SUPT3H: variants seen among roughly 807,000 people sequenced by gnomAD.
The protein encoded by SUPT3H is SPT3 homolog, SAGA and STAGA complex component, also known as transcription initiation protein SPT3 homolog.
Under a neutral mutation model 44.3 loss-of-function variants are expected in SUPT3H, and 44 were observed. The observed-to-expected ratio is 0.99, with a 90% CI of 0.78 to 1.28. The LOEUF (loss-of-function observed/expected upper bound fraction) is 1.28, where lower values mean the gene tolerates loss of function less well. Among genes scored for constraint, SUPT3H ranks in the 50% most tolerant of loss-of-function variants. SUPT3H has a pLI of 0.00. For synonymous variants in SUPT3H, 124 were observed against 125.6 expected (o/e 0.99, Z 0.09); for missense variants, 380 against 387.1 (o/e 0.98, Z 0.15).
At chr6:44,959,170 G>A (rs550582434) in intron 7 of SUPT3H, among the ~76,000 whole-genome samples, 7 of 152,064 alleles carry the variant, frequency 4.6e-5, no homozygotes, top group Non-Finnish European at 8.8e-5. Flanking sequence ...GATTACAGGC[G>A]TGAGCCACCG....
At chr6:45,321,694 G>C (rs930020837) in intron 2 of SUPT3H, 4 of 840,272 alleles carry the variant, frequency 4.8e-6, no homozygotes, top group South Asian at 3.2e-5. Context: ...GTAAGCACCA[G>C]ATCTTTCTCT....
At chr6:45,320,356 TG>T (rs369161527) in intron 2 of SUPT3H, among the ~76,000 whole-genome samples, 2 of 151,928 alleles carry the variant, frequency 1.3e-5, no homozygotes, top group African/African-American at 4.8e-5. Flanking sequence ...CTGCACCTCC[TG>T]GGGTCAGGTG....
chr6:44,965,253 A>G (rs1404573962), intron 6 of SUPT3H, among the ~76,000 whole-genome samples: 2 of 151,952 alleles, frequency 1.3e-5, no homozygotes, highest in Admixed American at 1.3e-4. Flanking sequence ...GATTCCATTC[A>G]CTCTCTGGAT....
At chr6:45,289,995 C>T (rs1780054078) in intron 2 of SUPT3H, among the ~76,000 whole-genome samples, 2 of 152,018 alleles carry the variant, frequency 1.3e-5, no homozygotes. Flanking sequence ...CCAGCATGGG[C>T]AACAGAGATG....
chr6:45,185,484 GA>G (rs1562642312), intron 2 of SUPT3H, among the ~76,000 whole-genome samples: 2 of 152,218 alleles, frequency 1.3e-5, no homozygotes, highest in Admixed American at 6.5e-5. Context: ...GAGTCTTAGG[GA>G]AAAACATTCT....
At chr6:44,858,655 C>G (rs1033268539) in intron 10 of SUPT3H, among the ~76,000 whole-genome samples, 3 of 152,180 alleles carry the variant, frequency 2.0e-5, no homozygotes, top group Admixed American at 6.5e-5. Context: ...TATCCCTGTG[C>G]TTTATCTCTA....
At position 44,810,903 on chromosome 6, in the gene SUPT3H, A is replaced by G. The variant is rs1423690281; in HGVS notation, c.*53-1402T>C. Among the ~76,000 whole-genome samples, 4 of 122,950 alleles carry G rather than the reference A, an allele frequency of 3.3e-5. No homozygotes were observed. The Admixed American group carries it at 3.5e-4, about 11-fold the overall frequency. 80.7% of individuals were successfully genotyped at this position (122,950 alleles called of 152,430 possible). A position where few individuals can be genotyped will look rare whatever the true frequency, so the allele number is the denominator to read the frequency against. On this transcript the variant is annotated intron_variant and NMD_transcript_variant, in intron 11 of 11. Transcript: ENST00000475057. Reference sequence around the variant, plus strand: ...CCTGGATGACAGAGCGAGAGACTCCATCTCAAAAAAAAAAAAAATTTATAT... The same window carrying G: ...CCTGGATGACAGAGCGAGAGACTCCGTCTCAAAAAAAAAAAAAATTTATAT...
At chr6:44,955,547 C>T (rs1303638577) in intron 7 of SUPT3H, 1 of 152,248 alleles carries the variant, frequency 6.6e-6, no homozygotes, top group Non-Finnish European at 1.5e-5. Flanking sequence ...AAGCCACACC[C>T]TCATCCCCCA....
At chr6:45,216,158 CGAACTTACAA>C (rs1765022631) in intron 2 of SUPT3H, among the ~76,000 whole-genome samples, 1 of 151,688 alleles carries the variant, frequency 6.6e-6, no homozygotes, top group African/African-American at 2.4e-5. Flanking sequence ...ATGACTAGAC[CGAACTTACAA>C]GAAATGCTTA....
intron 2 of SUPT3H, among the ~76,000 whole-genome samples, chr6:45,215,469 A>G (rs1764882171): frequency 6.6e-6 from 1 of 152,202 alleles, no homozygotes; most frequent in Admixed American, 6.5e-5. Flanking sequence ...TGTGATCTAC[A>G]AGAAAAATTA....
intron 9 of SUPT3H, among the ~76,000 whole-genome samples, chr6:44,936,886 C>A (rs1771522398): frequency 6.6e-6 from 1 of 152,036 alleles, no homozygotes; most frequent in Non-Finnish European, 1.5e-5. Context: ...AGGCTGGTAT[C>A]AAATTCCTGA....
intron 11 of SUPT3H, among the ~76,000 whole-genome samples, chr6:44,810,417 T>G (rs1270646732): frequency 6.6e-6 from 1 of 152,166 alleles, no homozygotes. Context: ...ATTTTTTTGG[T>G]ATTAATTTTC....
intron 2 of SUPT3H, among the ~76,000 whole-genome samples, chr6:45,295,208 A>G (rs1371310906): frequency 1.3e-5 from 2 of 152,096 alleles, no homozygotes; most frequent in Non-Finnish European, 2.9e-5. Flanking sequence ...CAGCCAACTG[A>G]TCTTTGAAAA....
At chr6:45,058,227 C>T (rs1791440834) in intron 3 of SUPT3H, among the ~76,000 whole-genome samples, 1 of 151,968 alleles carries the variant, frequency 6.6e-6, no homozygotes, top group Non-Finnish European at 1.5e-5. Flanking sequence ...GCCTCCAAAC[C>T]TAAAACAAAC....
rs573084323 is a variant in SUPT3H, at chr6:44,810,452, A to C, written c.*53-951T>G. The stretch of plus-strand genomic sequence containing the variant: ...CTTTACTCCCCCACTTCCATTCCCT[A>C]TCTTTAATAGAAGATGTGTTAATAG... On this transcript the variant is annotated intron_variant and NMD_transcript_variant, in intron 11 of 11. Coordinates refer to the SUPT3H transcript ENST00000475057. Among the ~76,000 whole-genome samples, 29 of 152,220 alleles carry C rather than the reference A, an allele frequency of 1.9e-4. 1 individual carries two copies. The South Asian group carries it at 3.5e-3, about 19-fold the overall frequency.
intron 11 of SUPT3H, among the ~76,000 whole-genome samples, chr6:44,820,432 G>T (rs991436492): frequency 6.6e-6 from 1 of 152,152 alleles, no homozygotes; most frequent in Non-Finnish European, 1.5e-5. Context: ...AAGTCAAGGG[G>T]AAGCTGAATG....
At chr6:45,096,871 G>A (rs1032635071) in intron 3 of SUPT3H, among the ~76,000 whole-genome samples, 29 of 152,022 alleles carry the variant, frequency 1.9e-4, no homozygotes, top group African/African-American at 6.8e-4. Context: ...CACCTACTTC[G>A]AGGTGCTATA....
chr6:45,310,191 C>T lies in SUPT3H; in HGVS notation c.101+55010G>A, dbSNP rs146839219. ...CACATCCCTGACAACCTGCATGACT[C>T]GGCAGAGGCAGCCATAATCCTCCTA... On this transcript the variant is annotated intron_variant, in intron 2 of 10. Transcript: ENST00000371459. Among the ~76,000 whole-genome samples the T allele has an allele frequency of 1.9e-3, 289 of 152,250 alleles. 1 individual carries two copies. The highest frequency in any genetic ancestry group is 6.7e-3 in the African/African-American group (277 of 41,544).
At chr6:44,988,407 A>G (rs180918082) in intron 6 of SUPT3H, among the ~76,000 whole-genome samples, 1 of 151,394 alleles carries the variant, frequency 6.6e-6, no homozygotes, top group Non-Finnish European at 1.5e-5. Flanking sequence ...GAAACATATA[A>G]AACACCCAGC....
Sources: allele counts gnomAD v4.1 joint callset (sites outside exome capture counted in the v4.1 genomes callset), GRCh38; gene constraint gnomAD v4.1.1; transcripts MANE v1.5; gene names NCBI Gene and HGNC (gene_info 2026-07-23, HGNC 2026-07-21).